PCDH15: variants seen among roughly 807,000 people sequenced by gnomAD.
The protein encoded by PCDH15 is protocadherin related 15, also known as protocadherin-15.
A neutral mutation model predicts 178.5 loss-of-function variants in PCDH15; 129 were observed. The observed-to-expected ratio is 0.72, with a 90% CI of 0.63 to 0.84. The LOEUF is 0.84. Among genes scored for constraint, PCDH15 ranks in the 40% least tolerant of loss-of-function variants. The pLI is 0.00. For synonymous variants in PCDH15, 800 were observed against 732.0 expected, an observed-to-expected ratio of 1.09 and a Z score of -1.50; for missense variants, 2,230 against 2,099.9, an observed-to-expected ratio of 1.06 and a Z score of -1.21.
intron 1 of PCDH15, among the ~76,000 whole-genome samples, chr10:55,295,842 A>C (rs530536463): frequency 6.6e-6 from 1 of 152,254 alleles, no homozygotes; most frequent in East Asian, 1.9e-4. Context: ...CTAGAGTTTT[A>C]GCACGGACAT....
chr10:54,933,292 T>C (rs1837827671), intron 2 of PCDH15, among the ~76,000 whole-genome samples: 1 of 152,138 alleles, frequency 6.6e-6, no homozygotes, highest in South Asian at 2.1e-4. Context: ...TTTCAAGTAG[T>C]TGTGAATTAA....
chr10:55,057,077 A>C (rs192641682), intron 2 of PCDH15, among the ~76,000 whole-genome samples: 2 of 152,322 alleles, frequency 1.3e-5, no homozygotes, highest in African/African-American at 4.8e-5. Flanking sequence ...AGGTCTGAGG[A>C]AATGAAGTAA....
intron 29 of PCDH15, among the ~76,000 whole-genome samples, chr10:53,836,016 G>A (rs2077285588): frequency 6.6e-6 from 1 of 152,112 alleles, no homozygotes; most frequent in Non-Finnish European, 1.5e-5. Flanking sequence ...AGGGCCGTAA[G>A]TATTAGAGGG....
At chr10:54,508,335 A>G (rs922512258) in intron 3 of PCDH15, among the ~76,000 whole-genome samples, 1 of 152,046 alleles carries the variant, frequency 6.6e-6, no homozygotes, top group African/African-American at 2.4e-5. Context: ...AAGTCAATAT[A>G]GTACCATGGA....
intron 2 of PCDH15, among the ~76,000 whole-genome samples, chr10:55,588,304 A>C (rs1276007408): frequency 6.6e-6 from 1 of 152,152 alleles, no homozygotes. Context: ...CAAACCCACA[A>C]ACTTCTTTGT....
chr10:54,850,386 C>A (rs1171311916), intron 3 of PCDH15, among the ~76,000 whole-genome samples: 1 of 151,972 alleles, frequency 6.6e-6, no homozygotes, highest in Admixed American at 6.6e-5. Context: ...GTGTACCCAT[C>A]ACCCAAGCAG....
intron 1 of PCDH15, among the ~76,000 whole-genome samples, chr10:55,229,725 G>A (rs1841157506): frequency 6.6e-6 from 1 of 151,928 alleles, no homozygotes; most frequent in African/African-American, 2.4e-5. Context: ...AATAAATCCT[G>A]CAGGCTTAAG....
intron 2 of PCDH15, among the ~76,000 whole-genome samples, chr10:54,573,707 G>C (rs1376526838): frequency 2.7e-3 from 4 of 1,462 alleles, no homozygotes; most frequent in South Asian, 0.077. Flanking sequence ...TTTATCGATA[G>C]TTTTCCCCAA....
rs75050421 is a variant in PCDH15, at chr10:55,427,344, G to A, written c.-156+200281C>T. Among the ~76,000 whole-genome samples the A allele has an allele frequency of 9.8e-3, 1,490 of 152,222 alleles. 26 individuals carry two copies. The highest frequency in any genetic ancestry group is 0.034 in the African/African-American group (1,402 of 41,528). On this transcript the variant is annotated intron_variant, in intron 2 of 5. Coordinates refer to the PCDH15 transcript ENST00000613346. ...ATACAAAGAACACAATGTTATAAGG[G>A]TGTCAAGTGCTAAAATACTAAATGT... is the stretch of plus-strand genomic sequence containing the variant.
At chr10:55,047,320 A>G (rs1442739366) in intron 2 of PCDH15, among the ~76,000 whole-genome samples, 1 of 151,918 alleles carries the variant, frequency 6.6e-6, no homozygotes, top group African/African-American at 2.4e-5. Flanking sequence ...TTAAAGTATT[A>G]TAAGTAGAAC....
intron 10 of PCDH15, among the ~76,000 whole-genome samples, chr10:54,200,350 G>A (rs1165152589): frequency 5.2e-5 from 7 of 133,824 alleles, no homozygotes; most frequent in Non-Finnish European, 9.1e-5. Context: ...ACGCATACAC[G>A]TCCCATGGTG....
chr10:54,397,482 G>C (rs754597169), intron 3 of PCDH15, among the ~76,000 whole-genome samples: 10 of 151,934 alleles, frequency 6.6e-5, no homozygotes, highest in Non-Finnish European at 1.0e-4. Context: ...TATTGCAATA[G>C]CCTTGAATAA....
chr10:54,599,725 G>T, intron 2 of PCDH15: 1 of 465,738 alleles, frequency 2.1e-6, no homozygotes, highest in South Asian at 1.9e-5. Context: ...AAAGAAAGAA[G>T]GGGAAAAGGA....
Position 54,825,362 on chromosome 10 carries a change from G to A in PCDH15, c.-29+72088C>T, listed in dbSNP as rs1371264717. Among the ~76,000 whole-genome samples the A allele has an allele frequency of 3.4e-5, 5 of 147,540 alleles. No individual in the cohort carries two copies. In the Admixed American group the frequency reaches 3.4e-4, roughly 10 times the overall value. ...TGTGCATGTGTCTTTATAGCAGCAT[G>A]ATTTATAGTCCTTTGGGTATATACC... On this transcript the variant is annotated intron_variant, in intron 3 of 5. Transcript: ENST00000458638.
intron 2 of PCDH15, among the ~76,000 whole-genome samples, chr10:55,023,256 A>G (rs1840385098): frequency 6.6e-6 from 1 of 152,150 alleles, no homozygotes; most frequent in South Asian, 2.1e-4. Context: ...GCTTACAGTG[A>G]CAGTTGATTT....
At chr10:53,991,345 G>A (rs558163659) in intron 21 of PCDH15, among the ~76,000 whole-genome samples, 13 of 152,194 alleles carry the variant, frequency 8.5e-5, no homozygotes, top group Non-Finnish European at 1.9e-4. Context: ...TCAGCACTCT[G>A]TGTCTAGCTT....
chr10:54,420,438 C>T (rs1377738683), intron 3 of PCDH15, among the ~76,000 whole-genome samples: 1 of 151,982 alleles, frequency 6.6e-6, no homozygotes, highest in Admixed American at 6.6e-5. Flanking sequence ...GATTGAGGAA[C>T]AACAACAACA....
At chr10:55,296,347 C>A (rs1205487125) in intron 1 of PCDH15, among the ~76,000 whole-genome samples, 1 of 152,150 alleles carries the variant, frequency 6.6e-6, no homozygotes, top group East Asian at 1.9e-4. Flanking sequence ...CTGAAAGTTC[C>A]AACCCTGTGA....
intron 1 of PCDH15, among the ~76,000 whole-genome samples, chr10:55,282,503 A>G (rs1161296188): frequency 6.6e-6 from 1 of 152,204 alleles, no homozygotes; most frequent in African/African-American, 2.4e-5. Flanking sequence ...GTGAATATAT[A>G]CACATATATA....
Sources: gnomAD v4.1 joint callset for allele counts (sites outside exome capture counted in the v4.1 genomes callset) on GRCh38, gnomAD v4.1.1 for gene constraint, MANE v1.5 for transcripts, NCBI Gene and HGNC (gene_info 2026-07-23, HGNC 2026-07-21) for gene names.